Variants in TCF12 observed in about 807,000 individuals in gnomAD.
TCF12 encodes DNA-binding protein HTF4.
Under a neutral mutation model 86.0 loss-of-function variants are expected in TCF12, and 45 were observed. The ratio of observed to expected loss-of-function variants is 0.52; its 90% CI spans 0.41 to 0.67. The LOEUF (loss-of-function observed/expected upper bound fraction) is 0.67. Among genes scored for constraint, TCF12 ranks in the 30% least tolerant of loss-of-function variants. The pLI is 0.00. For synonymous variants in TCF12, 330 were observed against 299.6 expected (o/e 1.10, Z -1.05); for missense variants, 881 against 859.9 (o/e 1.02, Z -0.31).
intron 3 of TCF12, among the ~76,000 whole-genome samples, chr15:57,055,160 G>C (rs1458377066): frequency 5.3e-5 from 8 of 152,058 alleles, no homozygotes; most frequent in African/African-American, 1.9e-4. Flanking sequence ...CAGCACTTTG[G>C]GAGGCCGAAG....
intron 6 of TCF12, among the ~76,000 whole-genome samples, chr15:57,172,499 A>C (rs905250897): frequency 2.0e-5 from 3 of 152,336 alleles, no homozygotes; most frequent in Admixed American, 1.3e-4. Flanking sequence ...CCATAAAACT[A>C]GTGTCAGTAA....
Position 57,123,968 on chromosome 15 carries a change from CA to C in TCF12, c.325+32091del, listed in dbSNP as rs71113066. Among the ~76,000 whole-genome samples the C allele has an allele frequency of 3.7e-3, 303 of 81,090 alleles. 10 individuals carry two copies. The highest frequency in any genetic ancestry group is 0.011 in the African/African-American group (268 of 24,252). The allele number at this position is 81,090 out of a possible 152,430, so 53.2% of individuals were successfully genotyped here. A position where few individuals can be genotyped will look rare whatever the true frequency, so the allele number is the denominator to read the frequency against. ...TGGGCGACAGAGTGAGACTCCGTCTCAAAAAAAAAAAAAATTTTTTTTTTTT... is the reference window on the plus strand; with the variant it reads ...TGGGCGACAGAGTGAGACTCCGTCTCAAAAAAAAAAAAATTTTTTTTTTTT... On this transcript the variant is annotated intron_variant, in intron 5 of 20. Coordinates refer to ENST00000333725, the MANE Select transcript of TCF12 (RefSeq NM_207037.2).
At chr15:56,939,888 A>G (rs905480187) in intron 3 of TCF12, among the ~76,000 whole-genome samples, 2 of 151,192 alleles carry the variant, frequency 1.3e-5, no homozygotes, top group Non-Finnish European at 2.9e-5. Context: ...TGGAGGTTGT[A>G]TGTGAAAACA....
At chr15:57,058,640 T>A (rs1186776519) in intron 3 of TCF12, among the ~76,000 whole-genome samples, 2 of 152,214 alleles carry the variant, frequency 1.3e-5, no homozygotes, top group African/African-American at 4.8e-5. Context: ...AAATTTTTTA[T>A]AAGTAAAAAA....
intron 3 of TCF12, among the ~76,000 whole-genome samples, chr15:56,966,105 A>C (rs1334138182): frequency 6.6e-6 from 1 of 152,276 alleles, no homozygotes; most frequent in East Asian, 1.9e-4. Context: ...ATTATATGCT[A>C]ATCTTTTTAC....
At chr15:56,975,399 A>G (rs1483766854) in intron 3 of TCF12, among the ~76,000 whole-genome samples, 1 of 152,182 alleles carries the variant, frequency 6.6e-6, no homozygotes, top group Non-Finnish European at 1.5e-5. Flanking sequence ...TTTCTATACA[A>G]TGGCATTCCT....
intron 5 of TCF12, among the ~76,000 whole-genome samples, chr15:57,138,602 C>A (rs1209066093): frequency 3.9e-5 from 6 of 152,130 alleles, no homozygotes; most frequent in Non-Finnish European, 1.5e-5. Context: ...CTTTATAAAC[C>A]ATTCTAACAG....
At chr15:57,245,163 C>T (rs1389298068) in intron 13 of TCF12, among the ~76,000 whole-genome samples, 1 of 152,178 alleles carries the variant, frequency 6.6e-6, no homozygotes, top group Non-Finnish European at 1.5e-5. Context: ...GCACTGTGGC[C>T]CTGGCCATCA....
intron 3 of TCF12, among the ~76,000 whole-genome samples, chr15:56,987,092 T>G (rs2140933900): frequency 6.6e-6 from 1 of 152,208 alleles, no homozygotes; most frequent in South Asian, 2.1e-4. Context: ...CAATATTTAG[T>G]GAGCTTAATT....
chr15:57,151,829 G>A (rs536634384), intron 5 of TCF12, among the ~76,000 whole-genome samples: 1 of 151,800 alleles, frequency 6.6e-6, no homozygotes, highest in Non-Finnish European at 1.5e-5. Context: ...CTTCAAAGAG[G>A]CCCAAGCACA....
intron 5 of TCF12, among the ~76,000 whole-genome samples, chr15:57,138,498 T>A (rs1388487557): frequency 6.6e-6 from 1 of 152,190 alleles, no homozygotes; most frequent in African/African-American, 2.4e-5. Flanking sequence ...CTGCTATGGC[T>A]ATTCCAGACA....
chr15:56,957,652 ATC>A lies in TCF12; in HGVS notation c.148+36558_148+36559del, dbSNP rs1383720084. On this transcript the variant is annotated intron_variant, in intron 3 of 20. Transcript: ENST00000333725. ...AACATCCTTGTCTGTTGATTCTAAC[ATC>A]TCTGTCAGTTCTGCTTAGATTTAAT... 2.1e-4 allele frequency among the ~76,000 whole-genome samples: 32 copies of A among 152,308 alleles called. No homozygotes were observed. In the East Asian group the frequency reaches 5.8e-3, roughly 28 times the overall value.
At chr15:57,084,141 A>G (rs1211058087) in intron 4 of TCF12, among the ~76,000 whole-genome samples, 2 of 152,178 alleles carry the variant, frequency 1.3e-5, no homozygotes, top group African/African-American at 4.8e-5. Flanking sequence ...AACTGATTTT[A>G]CAAATATCAG....
chr15:57,162,049 AC>A (rs1415565118), intron 5 of TCF12, among the ~76,000 whole-genome samples: 11 of 151,952 alleles, frequency 7.2e-5, no homozygotes, highest in African/African-American at 2.7e-4. Context: ...ACACACTCAC[AC>A]CCCCGCAACA....
chr15:57,067,845 C>T (rs1457740540), intron 4 of TCF12, among the ~76,000 whole-genome samples: 2 of 152,220 alleles, frequency 1.3e-5, no homozygotes, highest in African/African-American at 2.4e-5. Context: ...AGGTAAAGCA[C>T]CTGAGACTGA....
At chr15:57,169,357 T>C (rs1204190997) in intron 6 of TCF12, among the ~76,000 whole-genome samples, 3 of 152,154 alleles carry the variant, frequency 2.0e-5, no homozygotes, top group African/African-American at 7.2e-5. Context: ...TTTTCTCAGT[T>C]CCTAATCATA....
chr15:57,101,451 C>G (rs1596530352), intron 5 of TCF12, among the ~76,000 whole-genome samples: 1 of 152,196 alleles, frequency 6.6e-6, no homozygotes, highest in African/African-American at 2.4e-5. Flanking sequence ...TTCAAGCGAT[C>G]CTCCAGGCTT....
intron 3 of TCF12, among the ~76,000 whole-genome samples, chr15:56,936,449 C>T (rs1050816459): frequency 6.6e-6 from 1 of 152,158 alleles, no homozygotes; most frequent in East Asian, 1.9e-4. Flanking sequence ...ACTCTGCTAA[C>T]TGTTCTTTTG....
intron 3 of TCF12, among the ~76,000 whole-genome samples, chr15:57,026,088 T>C (rs2065809613): frequency 6.6e-6 from 1 of 152,204 alleles, no homozygotes; most frequent in Admixed American, 6.5e-5. Flanking sequence ...AGAACAGAGA[T>C]AGGAAAATTC....
Sources: gnomAD v4.1 joint callset for allele counts (sites outside exome capture counted in the v4.1 genomes callset) on GRCh38, gnomAD v4.1.1 for gene constraint, MANE v1.5 for transcripts, NCBI Gene and HGNC (gene_info 2026-07-23, HGNC 2026-07-21) for gene names.